Variants in NFIB observed in about 807,000 individuals in gnomAD.
NFIB encodes nuclear factor 1 B-type.
Under a neutral mutation model 61.5 loss-of-function variants are expected in NFIB, and 11 were observed. That is an observed-to-expected ratio of 0.18 (90% CI 0.11 to 0.30). The LOEUF is 0.30. Among genes scored for constraint, NFIB ranks in the 10% least tolerant of loss-of-function variants. NFIB has a pLI of 1.00. For synonymous variants in NFIB, 260 were observed against 216.5 expected (o/e 1.20, Z -1.76); for missense variants, 471 against 608.9 (o/e 0.77, Z 2.38).
At chr9:14,398,656 A>T in exon 1 of NFIB, 1 of 1,481,554 alleles carries the variant, frequency 6.7e-7, no homozygotes, top group Non-Finnish European at 9.1e-7. Flanking sequence ...CCCGACAAGA[A>T]GCCTGTAGGC....
the NFIB span, among the ~76,000 whole-genome samples, chr9:14,422,988 TATTTC>T: frequency 6.6e-6 from 1 of 152,226 alleles, no homozygotes; most frequent in Non-Finnish European, 1.5e-5. Context: ...GCTTTTATTT[TATTTC>T]ATTTTTTAAG....
At chr9:14,382,043 A>C (rs1023224123) in intron 1 of NFIB, among the ~76,000 whole-genome samples, 2 of 152,158 alleles carry the variant, frequency 1.3e-5, no homozygotes, top group African/African-American at 2.4e-5. Flanking sequence ...GGGAAGTTAA[A>C]ATAGGCCCTT....
chr9:14,343,048 C>CT (rs1296711690), intron 1 of NFIB, among the ~76,000 whole-genome samples: 1 of 151,792 alleles, frequency 6.6e-6, no homozygotes, highest in African/African-American at 2.4e-5. Flanking sequence ...GTGAGCATGG[C>CT]CGGGGGGGTA....
chr9:14,186,346 T>C (rs1036669470), intron 2 of NFIB, among the ~76,000 whole-genome samples: 2 of 152,122 alleles, frequency 1.3e-5, no homozygotes, highest in Admixed American at 1.3e-4. Context: ...GGTGAAGAAA[T>C]AGCCCATTGT....
chr9:14,401,656 T>C (rs1269436333), upstream of NFIB, among the ~76,000 whole-genome samples: 1 of 152,220 alleles, frequency 6.6e-6, no homozygotes, highest in East Asian at 1.9e-4. Flanking sequence ...AGTGGTCTAG[T>C]GTTTAATTAG....
At chr9:14,516,762 T>C in the NFIB span, among the ~76,000 whole-genome samples, 1 of 152,218 alleles carries the variant, frequency 6.6e-6, no homozygotes, top group African/African-American at 2.4e-5. Context: ...TAATCCTTCT[T>C]TCAATTTTCT....
chr9:14,240,659 G>A (rs951327101), intron 2 of NFIB, among the ~76,000 whole-genome samples: 18 of 152,124 alleles, frequency 1.2e-4, no homozygotes, highest in African/African-American at 3.4e-4. Flanking sequence ...GCCCTATCTC[G>A]TTACAAACAC....
the NFIB span, among the ~76,000 whole-genome samples, chr9:14,482,159 C>T: frequency 7.1e-6 from 1 of 141,402 alleles, no homozygotes; most frequent in Admixed American, 7.6e-5. Context: ...GTTTTGGTCA[C>T]TGAGCTAACA....
chr9:14,283,671 A>G (rs115484504), intron 2 of NFIB, among the ~76,000 whole-genome samples: 3,133 of 152,328 alleles, frequency 0.021, 110 homozygotes, highest in African/African-American at 0.071. Context: ...AGAGAAAAAT[A>G]TCCATATTCA....
At chr9:14,481,195 GTGTATATATATATA>G in the NFIB span, among the ~76,000 whole-genome samples, 17 of 35,062 alleles carry the variant, frequency 4.8e-4, no homozygotes, top group South Asian at 9.7e-3. Flanking sequence ...GTGTGTGTGT[GTGTATATATATATA>G]TATATATATA....
intron 2 of NFIB, among the ~76,000 whole-genome samples, chr9:14,252,794 G>A (rs1282501209): frequency 2.0e-5 from 3 of 150,976 alleles, no homozygotes; most frequent in South Asian, 4.2e-4. Context: ...CTTTGTGGAG[G>A]AAAAAAAAAT....
the NFIB span, among the ~76,000 whole-genome samples, chr9:14,505,948 C>T: frequency 9.9e-5 from 15 of 152,130 alleles, no homozygotes; most frequent in African/African-American, 3.1e-4. Context: ...TACTAGAAGC[C>T]TGAATGATCT....
At chr9:14,204,476 C>A in intron 2 of NFIB, 1 of 1,032,332 alleles carries the variant, frequency 9.7e-7, no homozygotes, top group Non-Finnish European at 1.5e-6. Flanking sequence ...ACTGAAAATG[C>A]CTCCTGCGAT....
At chr9:14,244,456 T>C (rs1221938176) in intron 2 of NFIB, among the ~76,000 whole-genome samples, 3 of 152,206 alleles carry the variant, frequency 2.0e-5, no homozygotes, top group African/African-American at 4.8e-5. Context: ...ACATACTTTC[T>C]CATCCATGTA....
chr9:14,185,280 CCTTT>C (rs774901668), intron 2 of NFIB, among the ~76,000 whole-genome samples: 8 of 152,182 alleles, frequency 5.3e-5, no homozygotes, highest in Non-Finnish European at 1.0e-4. Context: ...TGATTTCCCA[CCTTT>C]CTAAGACATA....
intron 1 of NFIB, among the ~76,000 whole-genome samples, chr9:14,356,373 T>C (rs1452809346): frequency 6.6e-6 from 1 of 152,106 alleles, no homozygotes; most frequent in African/African-American, 2.4e-5. Context: ...ACTGAGGATT[T>C]CACAATAAGA....
rs969965664 is a variant in NFIB at position 14,313,111 on chromosome 9, C to T, written c.30+371G>A. 2.0e-5 allele frequency among the ~76,000 whole-genome samples: 3 copies of T among 152,204 alleles called. No individual in the cohort carries two copies. The highest frequency in any genetic ancestry group is 4.4e-5 in the Non-Finnish European group (3 of 68,032). On this transcript the variant is annotated intron_variant, in intron 1 of 10. Coordinates refer to ENST00000380953, the MANE Select transcript of NFIB (RefSeq NM_001190737.2). The surrounding 1 kb of genome is among the most constrained non-coding windows in gnomAD (Gnocchi z 4.5). ...AAAGTCCTCCAAAGCCCGAGTCCAC[C>T]TCAACGCGCGAGCTGCTGAGAGGGG...
At chr9:14,410,071 T>C in the NFIB span, among the ~76,000 whole-genome samples, 2 of 152,078 alleles carry the variant, frequency 1.3e-5, no homozygotes, top group African/African-American at 2.4e-5. Context: ...GAGGGGCAGG[T>C]TTCTAAAGTC....
chr9:14,215,187 C>T (rs1244115493), intron 2 of NFIB, among the ~76,000 whole-genome samples: 1 of 141,892 alleles, frequency 7.0e-6, no homozygotes, highest in Non-Finnish European at 1.5e-5. Flanking sequence ...GCAGCTTTTA[C>T]GTAATCTCCA....
Sources: gnomAD v4.1 joint callset for allele counts (sites outside exome capture counted in the v4.1 genomes callset) on GRCh38, gnomAD v4.1.1 for gene constraint, Gnocchi (gnomAD v3.1) non-coding constraint, MANE v1.5 for transcripts, NCBI Gene and HGNC (gene_info 2026-07-23, HGNC 2026-07-21) for gene names.